The following LMBRD1 variants were observed in gnomAD, a reference collection of about 807,000 sequenced individuals.
The protein encoded by LMBRD1 is LMBR1 domain containing 1, also known as lysosomal cobalamin transport escort protein LMBD1.
LMBRD1 carries 64 observed loss-of-function variants against 74.8 expected under a neutral mutation model. That is an observed-to-expected ratio of 0.86 (90% confidence interval 0.70 to 1.05). LMBRD1 has a LOEUF of 1.05. Among genes scored for constraint, LMBRD1 ranks in the 50% least tolerant of loss-of-function variants. The pLI, the probability that LMBRD1 is intolerant of heterozygous loss-of-function variation, is 0.00. For synonymous variants in LMBRD1, 204 were observed against 216.3 expected (o/e 0.94, Z 0.50); for missense variants, 652 against 645.9 (o/e 1.01, Z -0.10).
At chr6:69,722,683 A>G (rs1443852409) in intron 7 of LMBRD1, among the ~76,000 whole-genome samples, 1 of 152,196 alleles carries the variant, frequency 6.6e-6, no homozygotes, top group Non-Finnish European at 1.5e-5. Flanking sequence ...ATTAAATAAC[A>G]TACAACGAAT....
chr6:69,783,136 T>C (rs1291236461), intron 2 of LMBRD1, among the ~76,000 whole-genome samples: 2 of 151,942 alleles, frequency 1.3e-5, no homozygotes, highest in Non-Finnish European at 2.9e-5. Context: ...GTCTAAAAAA[T>C]GTAATGAAAG....
intron 3 of LMBRD1, among the ~76,000 whole-genome samples, chr6:69,777,464 GC>G (rs953016945): frequency 6.6e-6 from 1 of 150,464 alleles, no homozygotes; most frequent in Non-Finnish European, 1.5e-5. Flanking sequence ...AAAAAAAGAG[GC>G]CCCAGATGAT....
At chr6:69,735,716 G>A (rs1562104848) in intron 7 of LMBRD1, among the ~76,000 whole-genome samples, 1 of 152,104 alleles carries the variant, frequency 6.6e-6, no homozygotes, top group Non-Finnish European at 1.5e-5. Flanking sequence ...TTAATTCGGA[G>A]CCACCAGAGT....
chr6:69,737,093 G>A (rs745907590), intron 7 of LMBRD1, among the ~76,000 whole-genome samples: 17 of 152,050 alleles, frequency 1.1e-4, no homozygotes, highest in Non-Finnish European at 2.1e-4. Flanking sequence ...CTGCTCTTAC[G>A]ATAATAGCCA....
In LMBRD1 at chr6:69,708,790, A is replaced by C. The variant is rs183452897; in HGVS notation, c.915+4855T>G. Among the ~76,000 whole-genome samples the C allele has an allele frequency of 8.4e-4, 128 of 152,334 alleles. 1 individual carries two copies. Among genetic ancestry groups the C allele is most frequent in the South Asian group, 1.7e-3 (8 of 4,824 alleles). On this transcript the variant is annotated intron_variant, in intron 9 of 15. Coordinates refer to ENST00000649934, the MANE Select transcript of LMBRD1 (RefSeq NM_018368.4). ...AAGGTAACACTGGCACAAAATTTTG[A>C]GATAGAACATAACTTCTAAGAAATT...
rs1282257279 is a variant in LMBRD1, at chr6:69,737,823, A to G, written c.636+119T>C. 5 of 767,400 alleles carry G rather than the reference A, an allele frequency of 6.5e-6. No homozygotes were observed. The African/African-American group carries it at 8.9e-5, about 14-fold the overall frequency. 47.5% of individuals were successfully genotyped at this position (767,400 alleles called of 1,614,324 possible). ...TACCCTTAAGTAAAGAAAACTGAAG[A>G]AAAATTGAAAAAGAATCAAAATATT... On this transcript the variant is annotated intron_variant, in intron 7 of 15. Coordinates refer to ENST00000649934, the MANE Select transcript of LMBRD1 (RefSeq NM_018368.4).
At chr6:69,705,677 T>A (rs1766237983) in intron 9 of LMBRD1, 3 of 892,660 alleles carry the variant, frequency 3.4e-6, no homozygotes, top group Non-Finnish European at 5.5e-6. Flanking sequence ...CATCATCATC[T>A]TCATCAGTAG....
chr6:69,760,860 GC>G (rs918908431), intron 3 of LMBRD1, among the ~76,000 whole-genome samples: 8 of 152,228 alleles, frequency 5.3e-5, no homozygotes, highest in African/African-American at 1.9e-4. Flanking sequence ...GATGTTACAG[GC>G]CAAGAGAGAG....
intron 9 of LMBRD1, among the ~76,000 whole-genome samples, chr6:69,710,925 G>A (rs984082519): frequency 6.1e-4 from 93 of 152,038 alleles, no homozygotes; most frequent in African/African-American, 2.2e-3. Flanking sequence ...CATATTAAAC[G>A]TTAGATCCAA....
rs1184259493 is a variant in LMBRD1, at chr6:69,796,920, G to A, written c.-39C>T. 4 of 1,586,412 alleles carry A rather than the reference G, an allele frequency of 2.5e-6. No individual in the cohort carries two copies. The South Asian group carries it at 3.3e-5, about 13-fold the overall frequency. ...CCAGACCAACCTGAGCGCCCGGGGT[G>A]GGGAAAGGGGAGGGGGAAAGGGGAG... On this transcript the variant is annotated 5_prime_UTR_variant, in exon 1 of 16. Transcript: ENST00000649934.
intron 5 of LMBRD1, among the ~76,000 whole-genome samples, chr6:69,742,990 T>A (rs1767137251): frequency 6.6e-6 from 1 of 151,984 alleles, no homozygotes; most frequent in South Asian, 2.1e-4. Flanking sequence ...CTTACAGGCA[T>A]AGAGCAATAA....
chr6:69,724,718 C>T (rs535501226), intron 7 of LMBRD1, among the ~76,000 whole-genome samples: 1 of 151,314 alleles, frequency 6.6e-6, no homozygotes, highest in African/African-American at 2.4e-5. Flanking sequence ...AGGAATATAC[C>T]TCAATGTAAT....
chr6:69,701,568 A>T, intron 10 of LMBRD1, 23 bp from the exon 11 acceptor site: 1 of 1,403,186 alleles, frequency 7.1e-7, no homozygotes, highest in Non-Finnish European at 1.0e-6. Context: ...ACAAAGAATG[A>T]AATTTATGTT....
intron 5 of LMBRD1, among the ~76,000 whole-genome samples, chr6:69,749,096 T>C (rs1208079772): frequency 6.6e-6 from 1 of 151,978 alleles, no homozygotes; most frequent in Non-Finnish European, 1.5e-5. Context: ...GTAAAAAGCA[T>C]GTAGAATGCA....
intron 8 of LMBRD1, among the ~76,000 whole-genome samples, chr6:69,718,158 T>TA (rs1227640632): frequency 1.3e-5 from 2 of 152,188 alleles, no homozygotes; most frequent in Non-Finnish European, 2.9e-5. Flanking sequence ...ATTTATCTGT[T>TA]ACTTGAAGAC....
chr6:69,780,299 G>A lies in LMBRD1; in HGVS notation c.307+195C>T, dbSNP rs138557455. Among the ~76,000 whole-genome samples, 516 of 151,992 alleles carry A rather than the reference G, an allele frequency of 3.4e-3. 5 individuals carry two copies. The highest frequency in any genetic ancestry group is 0.011 in the African/African-American group (476 of 41,460). ...GCTCCCCTCCCTCTGTCTCTGTACA[G>A]GGGAGCTTATTTCTTTCTTCCCCCT... On this transcript the variant is annotated intron_variant, in intron 3 of 15. Transcript: ENST00000649934.
intron 3 of LMBRD1, among the ~76,000 whole-genome samples, chr6:69,756,874 C>A (rs915253330): frequency 7.2e-5 from 11 of 152,196 alleles, no homozygotes; most frequent in Admixed American, 3.9e-4. Flanking sequence ...TACAAAACCA[C>A]CTTTCAATTA....
intron 3 of LMBRD1, among the ~76,000 whole-genome samples, chr6:69,770,166 A>G (rs890148160): frequency 6.6e-6 from 1 of 152,124 alleles, no homozygotes; most frequent in African/African-American, 2.4e-5. Context: ...ACCTGACTCC[A>G]AGATTGTCAC....
chr6:69,738,120 AT>A, intron 6 of LMBRD1, 105 bp from the exon 7 acceptor site: 1 of 800,582 alleles, frequency 1.2e-6, no homozygotes, highest in Non-Finnish European at 2.1e-6. Context: ...TTTTGAAGAA[AT>A]AAAAACCAAT....
Sources: allele counts gnomAD v4.1 joint callset (sites outside exome capture counted in the v4.1 genomes callset), GRCh38; gene constraint gnomAD v4.1.1; transcripts MANE v1.5; gene names NCBI Gene and HGNC (gene_info 2026-07-23, HGNC 2026-07-21).